The following UIMC1 variants were observed in gnomAD, a reference collection of about 807,000 sequenced individuals.
UIMC1 encodes ubiquitin interaction motif containing 1.
In UIMC1, 42 loss-of-function variants were observed where a neutral mutation model predicts 84.9. The ratio of observed to expected loss-of-function variants is 0.49; its 90% CI spans 0.39 to 0.64. The LOEUF (loss-of-function observed/expected upper bound fraction) is 0.64. Ranked by LOEUF, UIMC1 falls within the 30% of genes least tolerant of loss-of-function variation. The pLI is 0.00. For synonymous variants in UIMC1, 281 were observed against 293.0 expected (o/e 0.96, Z 0.42); for missense variants, 825 against 847.6 (o/e 0.97, Z 0.33).
In UIMC1 at chr5:176,908,795, A is replaced by G. The variant is rs1472606383; in HGVS notation, c.1677-101T>C. 5.5e-6 allele frequency: 7 copies of G among 1,274,652 alleles called. No homozygotes were observed. In the South Asian group the frequency reaches 1.0e-4, roughly 18 times the overall value. 79.0% of individuals were successfully genotyped at this position (1,274,652 alleles called of 1,614,324 possible). ...AATTGTGTTTTTACGTCGCAAAGTT[A>G]TTCTATGGAGGAGACATATCAACCA... is the stretch of plus-strand genomic sequence containing the variant. On this transcript the variant is annotated intron_variant, in intron 11 of 14. Coordinates refer to ENST00000511320, the MANE Select transcript of UIMC1 (RefSeq NM_001199298.2).
intron 10 of UIMC1, among the ~76,000 whole-genome samples, chr5:176,936,052 A>C (rs1392582433): frequency 6.6e-6 from 1 of 152,144 alleles, no homozygotes; most frequent in Non-Finnish European, 1.5e-5. Flanking sequence ...TTTGACTCTT[A>C]TGCTTTGCCT....
chr5:176,995,986 C>T (rs768185230), intron 1 of UIMC1, among the ~76,000 whole-genome samples: 5 of 152,040 alleles, frequency 3.3e-5, no homozygotes, highest in South Asian at 2.1e-4. Flanking sequence ...GAAATAAAGA[C>T]GTGAATGTTC....
chr5:176,975,293 T>G, intron 3 of UIMC1, 103 bp downstream of exon 3: 1 of 1,116,766 alleles, frequency 9.0e-7, no homozygotes. Flanking sequence ...TTTTCTTGAA[T>G]CTATCAGAGA....
chr5:176,923,716 T>C (rs1355400890), intron 10 of UIMC1, among the ~76,000 whole-genome samples: 1 of 151,202 alleles, frequency 6.6e-6, no homozygotes, highest in Non-Finnish European at 1.5e-5. Context: ...ATATGAAAAT[T>C]AGCCGGCCAT....
intron 1 of UIMC1, among the ~76,000 whole-genome samples, chr5:176,983,248 T>C (rs1184636712): frequency 1.4e-5 from 2 of 142,116 alleles, no homozygotes; most frequent in African/African-American, 2.6e-5. Flanking sequence ...CCCCTCCCCC[T>C]CCTCCTCTCC....
chr5:177,013,165 A>T (rs971296012), intron 1 of UIMC1, among the ~76,000 whole-genome samples: 17 of 151,862 alleles, frequency 1.1e-4, no homozygotes, highest in Admixed American at 6.6e-4. Context: ...TGAGGTCAGG[A>T]GTTCGAGACC....
intron 10 of UIMC1, among the ~76,000 whole-genome samples, chr5:176,935,484 A>T (rs762463407): frequency 5.9e-5 from 9 of 152,162 alleles, no homozygotes; most frequent in Non-Finnish European, 1.3e-4. Context: ...CAGGGCCCAT[A>T]TTTGATTTGT....
chr5:177,009,465 T>C (rs1775497240), upstream of UIMC1, among the ~76,000 whole-genome samples: 1 of 152,150 alleles, frequency 6.6e-6, no homozygotes, highest in Non-Finnish European at 1.5e-5. This position sits in a 1 kb window ranked among gnomAD's most constrained non-coding sequence, Gnocchi z 4.3. Context: ...TTTTCTATGA[T>C]GTGAAATAAT....
At chr5:176,921,569 G>T (rs1408029933) in intron 10 of UIMC1, among the ~76,000 whole-genome samples, 1 of 152,132 alleles carries the variant, frequency 6.6e-6, no homozygotes, top group Non-Finnish European at 1.5e-5. Context: ...TAACCCAGTT[G>T]CTTGGGGCAA....
chr5:176,936,992 T>A (rs1352526335), intron 10 of UIMC1, among the ~76,000 whole-genome samples: 1 of 152,238 alleles, frequency 6.6e-6, no homozygotes, highest in East Asian at 1.9e-4. Flanking sequence ...TTATATTCTG[T>A]TAATTGTATA....
At chr5:176,988,868 G>C (rs755533651) in intron 1 of UIMC1, among the ~76,000 whole-genome samples, 4 of 151,966 alleles carry the variant, frequency 2.6e-5, no homozygotes, top group Admixed American at 6.6e-5. Context: ...ATTTTTAGTA[G>C]AGATGGGGTT....
At chr5:176,964,244 T>C (rs1240060814) in intron 6 of UIMC1, among the ~76,000 whole-genome samples, 1 of 152,262 alleles carries the variant, frequency 6.6e-6, no homozygotes, top group Non-Finnish European at 1.5e-5. Context: ...GAGGTAAAAC[T>C]ACAATCACAG....
At chr5:176,963,759 T>C (rs1408377931) in intron 6 of UIMC1, among the ~76,000 whole-genome samples, 1 of 151,938 alleles carries the variant, frequency 6.6e-6, no homozygotes, top group Non-Finnish European at 1.5e-5. Context: ...AATAAATAAA[T>C]AAACTGTCAT....
At position 176,922,627 on chromosome 5, in the gene UIMC1, G is replaced by C. The variant is rs1313579334; in HGVS notation, c.1598-11238C>G. Among the ~76,000 whole-genome samples the C allele has an allele frequency of 3.9e-5, 6 of 152,254 alleles. No homozygotes were observed. The South Asian group carries it at 6.2e-4, about 16-fold the overall frequency. ...GTCTTGTTTTTGAACATTGGGTTAA[G>C]TTGTTCATTGTTATAAATAATGCTT... On this transcript the variant is annotated intron_variant, in intron 10 of 14. Transcript: ENST00000511320.
Position 176,963,518 on chromosome 5 carries a change from C to CT in UIMC1, c.1200+5036dup, listed in dbSNP as rs1030144780. On this transcript the variant is annotated intron_variant, in intron 6 of 14. Coordinates refer to ENST00000511320, the MANE Select transcript of UIMC1 (RefSeq NM_001199298.2). ...CCTGGGTGACAGAGTGAAACTCCAT[C>CT]TTTAAAAAAAAAAAAAAAAAAGTGA... Among the ~76,000 whole-genome samples the CT allele has an allele frequency of 1.4e-4, 18 of 132,462 alleles. No individual in the cohort carries two copies. In the South Asian group the frequency reaches 3.0e-3, roughly 22 times the overall value. The allele number at this position is 132,462 out of a possible 152,430, so 86.9% of individuals were successfully genotyped here. A position where few individuals can be genotyped will look rare whatever the true frequency, so the allele number is the denominator to read the frequency against.
rs779436202 is a variant in UIMC1, at chr5:176,969,679, T to C, written c.385A>G (p.Thr129Ala). The change falls in exon 5 of 15, where the codon ACC (threonine) becomes GCC (alanine). Residue 129 changes from threonine to alanine, a missense_variant. Physicochemically the swap from Thr to Ala is moderately conservative, Grantham distance 58. Coordinates refer to ENST00000511320, the MANE Select transcript of UIMC1 (RefSeq NM_001199298.2). The part of the protein sequence containing the change: ...NSCRPSDASA[T>A]RSRPLATGPS... Reference sequence around the variant, plus strand: ...CCAGTGGCCAGAGGTCGAGATCTGGTAGCGGAAGCATCAGAAGGCCGGCAA... The same window carrying C: ...CCAGTGGCCAGAGGTCGAGATCTGGCAGCGGAAGCATCAGAAGGCCGGCAA... 5.6e-6 allele frequency: 9 copies of C among 1,614,090 alleles called. No homozygotes were observed. In the East Asian group the frequency reaches 1.8e-4, roughly 32 times the overall value.
intron 8 of UIMC1, among the ~76,000 whole-genome samples, chr5:176,952,979 A>C (rs1217970865): frequency 6.6e-6 from 1 of 152,186 alleles, no homozygotes; most frequent in Admixed American, 6.5e-5. Context: ...CTAATGTGAT[A>C]ATATTAGGAA....
chr5:176,979,357 G>A (rs1453312587), intron 2 of UIMC1, among the ~76,000 whole-genome samples: 3 of 152,110 alleles, frequency 2.0e-5, no homozygotes, highest in Admixed American at 6.6e-5. Flanking sequence ...GGTGGCTCAC[G>A]CCTGTAATCC....
intron 10 of UIMC1, among the ~76,000 whole-genome samples, chr5:176,914,383 G>A (rs549781837): frequency 6.6e-5 from 10 of 152,288 alleles, no homozygotes; most frequent in Admixed American, 5.9e-4. Flanking sequence ...GGACAAAACT[G>A]TGACATGTTA....
Sources: gnomAD v4.1 joint callset for allele counts (sites outside exome capture counted in the v4.1 genomes callset) on GRCh38, gnomAD v4.1.1 for gene constraint, Gnocchi (gnomAD v3.1) non-coding constraint, MANE v1.5 for transcripts, NCBI Gene and HGNC (gene_info 2026-07-23, HGNC 2026-07-21) for gene names.